The following B3GALT1 variants were observed in gnomAD, a reference collection of about 807,000 sequenced individuals.
B3GALT1 encodes UDP-Gal:betaGlcNAc beta 1,3-galactosyltransferase, polypeptide 1.
Under a neutral mutation model 23.2 loss-of-function variants are expected in B3GALT1, and 10 were observed. The ratio of observed to expected loss-of-function variants is 0.43; its 90% CI spans 0.27 to 0.73. B3GALT1 has a LOEUF of 0.73. Ranked by LOEUF, B3GALT1 falls within the 30% of genes least tolerant of loss-of-function variation. The pLI is 0.21. For missense variants in B3GALT1, 299 were observed against 405.4 expected (o/e 0.74, Z 2.25); for synonymous variants, 156 against 141.5 (o/e 1.10, Z -0.73).
intron 4 of B3GALT1, among the ~76,000 whole-genome samples, chr2:167,863,452 T>A (rs1690145505): frequency 6.6e-6 from 1 of 152,216 alleles, no homozygotes; most frequent in Non-Finnish European, 1.5e-5. Flanking sequence ...GATTTGGCAA[T>A]GGTTGTTAAT....
At chr2:167,846,195 G>A (rs904602523) in intron 4 of B3GALT1, among the ~76,000 whole-genome samples, 7 of 152,272 alleles carry the variant, frequency 4.6e-5, no homozygotes, top group East Asian at 1.9e-4. Flanking sequence ...AAAAATCGAG[G>A]AAAACTTCCC....
chr2:167,627,931 T>C (rs940695421), intron 2 of B3GALT1, among the ~76,000 whole-genome samples: 3 of 151,696 alleles, frequency 2.0e-5, no homozygotes, highest in African/African-American at 7.2e-5. Context: ...GTGATTTGAA[T>C]TTGCATTCCT....
intron 1 of B3GALT1, among the ~76,000 whole-genome samples, chr2:167,406,287 T>C (rs765874875): frequency 2.0e-5 from 3 of 152,054 alleles, no homozygotes; most frequent in Non-Finnish European, 2.9e-5. Flanking sequence ...AGACTTCTGG[T>C]TCCAAAATGG....
intron 1 of B3GALT1, among the ~76,000 whole-genome samples, chr2:167,470,524 A>C (rs2105330614): frequency 6.6e-6 from 1 of 152,262 alleles, no homozygotes; most frequent in East Asian, 1.9e-4. Context: ...AGGTTATTTT[A>C]ATAATTATAT....
chr2:167,855,802 T>C (rs997856236), intron 4 of B3GALT1, among the ~76,000 whole-genome samples: 12 of 152,130 alleles, frequency 7.9e-5, no homozygotes, highest in Non-Finnish European at 1.8e-4. Flanking sequence ...TCTACCAAAC[T>C]TTCAAACTGT....
At chr2:167,332,761 T>C (rs757479398) in intron 1 of B3GALT1, among the ~76,000 whole-genome samples, 1 of 152,190 alleles carries the variant, frequency 6.6e-6, no homozygotes, top group South Asian at 2.1e-4. Context: ...ACAGCCCCAC[T>C]AACAGGCCCT....
At chr2:167,315,729 C>A (rs1696705745) in intron 1 of B3GALT1, among the ~76,000 whole-genome samples, 2 of 152,166 alleles carry the variant, frequency 1.3e-5, no homozygotes, top group Non-Finnish European at 2.9e-5. Flanking sequence ...ATCTCACAGA[C>A]CTGACTTCAC....
chr2:167,523,964 C>A (rs559888113), intron 2 of B3GALT1, among the ~76,000 whole-genome samples: 83 of 152,034 alleles, frequency 5.5e-4, no homozygotes, highest in African/African-American at 2.0e-3. Flanking sequence ...AATTTTTATT[C>A]TTATAAACAA....
intron 2 of B3GALT1, among the ~76,000 whole-genome samples, chr2:167,492,887 G>GTT (rs1553521963): frequency 6.6e-6 from 1 of 151,874 alleles, no homozygotes; most frequent in Non-Finnish European, 1.5e-5. Context: ...ATGTGTGTGT[G>GTT]TGTGTGTGTG....
At chr2:167,575,228 T>C (rs1039336205) in intron 2 of B3GALT1, among the ~76,000 whole-genome samples, 1 of 151,832 alleles carries the variant, frequency 6.6e-6, no homozygotes, top group African/African-American at 2.4e-5. Flanking sequence ...ATTGCTTTTA[T>C]TCTTTTATAT....
intron 3 of B3GALT1, among the ~76,000 whole-genome samples, chr2:167,817,619 T>A (rs1689020873): frequency 6.6e-6 from 1 of 152,326 alleles, no homozygotes; most frequent in East Asian, 1.9e-4. Context: ...AATCCACTTG[T>A]GCCTCTGTCC....
intron 3 of B3GALT1, among the ~76,000 whole-genome samples, chr2:167,689,789 T>G (rs1283189392): frequency 6.6e-6 from 1 of 152,032 alleles, no homozygotes; most frequent in African/African-American, 2.4e-5. Flanking sequence ...TTTCTGGATA[T>G]ATTTTGAGGG....
chr2:167,586,591 G>A (rs768988290), intron 2 of B3GALT1, among the ~76,000 whole-genome samples: 5 of 152,118 alleles, frequency 3.3e-5, no homozygotes, highest in Admixed American at 6.5e-5. Context: ...GAGCTACCAC[G>A]CCAGGCCAAA....
intron 2 of B3GALT1, among the ~76,000 whole-genome samples, chr2:167,586,797 T>C (rs1206280192): frequency 6.6e-6 from 1 of 152,218 alleles, no homozygotes; most frequent in African/African-American, 2.4e-5. Context: ...TTTGAAAACT[T>C]AATATGTAAT....
intron 2 of B3GALT1, among the ~76,000 whole-genome samples, chr2:167,609,154 C>T (rs983641468): frequency 6.6e-6 from 1 of 152,084 alleles, no homozygotes; most frequent in East Asian, 1.9e-4. Context: ...AGAACCACAC[C>T]AACTGTCATG....
intron 2 of B3GALT1, among the ~76,000 whole-genome samples, chr2:167,557,490 GAT>G (rs1683875383): frequency 6.6e-6 from 1 of 152,092 alleles, no homozygotes; most frequent in Non-Finnish European, 1.5e-5. Flanking sequence ...TTAGAAACAT[GAT>G]ATCTTGGATT....
intron 1 of B3GALT1, among the ~76,000 whole-genome samples, chr2:167,320,623 T>C (rs530739372): frequency 6.6e-6 from 1 of 152,234 alleles, no homozygotes; most frequent in South Asian, 2.1e-4. Context: ...CTTTTCACAG[T>C]GCCCTCACCC....
At chr2:167,640,827 A>C (rs1417403732) in intron 2 of B3GALT1, among the ~76,000 whole-genome samples, 1 of 152,148 alleles carries the variant, frequency 6.6e-6, no homozygotes, top group Non-Finnish European at 1.5e-5. Context: ...TGGTCTCTGT[A>C]GGCTTTTGAG....
At chr2:167,512,592 G>A (rs61380991) in intron 2 of B3GALT1, among the ~76,000 whole-genome samples, 2,122 of 38,610 alleles carry the variant, frequency 0.055, 89 homozygotes, top group African/African-American at 0.28. Context: ...ATATATATAT[G>A]TGTATATATA....
Sources: gnomAD v4.1 joint callset for allele counts (sites outside exome capture counted in the v4.1 genomes callset) on GRCh38, gnomAD v4.1.1 for gene constraint, MANE v1.5 for transcripts, NCBI Gene and HGNC (gene_info 2026-07-23, HGNC 2026-07-21) for gene names.